The following CENPF variants were observed in gnomAD, a reference collection of about 807,000 sequenced individuals.
The protein encoded by CENPF is AH antigen.
CENPF carries 214 observed loss-of-function variants against 307.3 expected under a neutral mutation model. That is an observed-to-expected ratio of 0.70 (90% confidence interval 0.62 to 0.78). The LOEUF is 0.78. Ranked by LOEUF, CENPF falls within the 30% of genes least tolerant of loss-of-function variation. CENPF has a pLI of 0.00. For missense variants in CENPF, 3,401 were observed against 3,483.9 expected (o/e 0.98, Z 0.60); for synonymous variants, 1,259 against 1,270.6 (o/e 0.99, Z 0.19).
intron 3 of CENPF, among the ~76,000 whole-genome samples, chr1:214,616,889 CTTTCTTTCTTTCTTTCTTTCTTTCTT>C (rs1558170947): frequency 3.0e-5 from 3 of 100,000 alleles, no homozygotes; most frequent in Non-Finnish European, 4.2e-5. Context: ...TTCTTTCTTT[CTTTCTTTCTTTCTTTCTTTCTTTCTT>C]TCTTTCTTCT....
chr1:214,611,717 A>G (rs1027582076), intron 1 of CENPF, among the ~76,000 whole-genome samples: 2 of 152,166 alleles, frequency 1.3e-5, no homozygotes, highest in Non-Finnish European at 2.9e-5. Context: ...CTGTATTTCT[A>G]GGTGATTTAT....
In CENPF at chr1:214,645,686, G is replaced by A; in HGVS notation, c.6116G>A (p.Ser2039Asn). 6.2e-7 allele frequency: 1 copy of A among 1,614,168 alleles called. No individual in the cohort carries two copies. The highest frequency in any genetic ancestry group is 8.5e-7 in the Non-Finnish European group (1 of 1,180,022). ...DKTHLQEKLQ[S>N]LEKDSQALSL... ...ACTCATCTCCAGGAAAAGCTGCAGA[G>A]TTTGGAAAAGGACTCACAGGCACTG... Residue 2039 changes from serine (S) to asparagine (N), a missense_variant, in exon 13 of 20, where the codon AGT becomes AAT. Physicochemically the swap from Ser to Asn is conservative, Grantham distance 46. Coordinates refer to ENST00000366955, the MANE Select transcript of CENPF (RefSeq NM_016343.4).
intron 3 of CENPF, among the ~76,000 whole-genome samples, chr1:214,617,473 G>T (rs1431693772): frequency 6.6e-6 from 1 of 152,210 alleles, no homozygotes; most frequent in Non-Finnish European, 1.5e-5. Flanking sequence ...ACATAAGAGA[G>T]TTGGAAGAAT....
At chr1:214,612,491 T>G (rs1478512643) in intron 1 of CENPF, among the ~76,000 whole-genome samples, 2 of 152,112 alleles carry the variant, frequency 1.3e-5, no homozygotes, top group Non-Finnish European at 2.9e-5. Flanking sequence ...ATAGAATGAG[T>G]TGAGGAGGCG....
intron 11 of CENPF, 69 bp from the exon 12 acceptor site, chr1:214,639,852 A>AG (rs1387210128): frequency 2.7e-5 from 22 of 807,032 alleles, no homozygotes; most frequent in Non-Finnish European, 3.3e-5. Context: ...GGGCGGGGGG[A>AG]GGGGTTAGCG....
intron 1 of CENPF, among the ~76,000 whole-genome samples, chr1:214,610,935 G>A (rs1657180896): frequency 6.6e-6 from 1 of 152,106 alleles, no homozygotes; most frequent in South Asian, 2.1e-4. Context: ...TATTGAATAG[G>A]GAATCCTTTC....
Position 214,639,916 on chromosome 1 carries a change from A to G in CENPF, c.1583-5A>G. 6.8e-7 allele frequency: 1 copy of G among 1,474,018 alleles called. No individual in the cohort carries two copies. 91.3% of individuals were successfully genotyped at this position (1,474,018 alleles called of 1,614,324 possible). ...CATTGACGACTTTTATTTATTTTTA[A>G]ATAGCGAAGAATACCTCTCAGGAAA... On this transcript the variant is annotated splice_region_variant and splice_polypyrimidine_tract_variant and intron_variant, in intron 11 of 19. Coordinates refer to ENST00000366955, the MANE Select transcript of CENPF (RefSeq NM_016343.4).
chr1:214,630,009 C>G (rs1398950194), intron 8 of CENPF, among the ~76,000 whole-genome samples: 1 of 152,056 alleles, frequency 6.6e-6, no homozygotes, highest in Non-Finnish European at 1.5e-5. Flanking sequence ...GAAAAAGTAC[C>G]ATACGGATTA....
At chr1:214,616,785 T>G (rs1477336590) in intron 3 of CENPF, among the ~76,000 whole-genome samples, 1 of 151,974 alleles carries the variant, frequency 6.6e-6, no homozygotes, top group Admixed American at 6.6e-5. Flanking sequence ...CTAAGGGCTT[T>G]CTTTCTTTCT....
intron 7 of CENPF, among the ~76,000 whole-genome samples, chr1:214,625,114 A>G (rs1432875967): frequency 2.6e-5 from 4 of 151,942 alleles, no homozygotes; most frequent in Non-Finnish European, 4.4e-5. Flanking sequence ...TGTTAGCATG[A>G]TGTATTTCTT....
At chr1:214,638,660 T>C (rs1215901596) in intron 11 of CENPF, among the ~76,000 whole-genome samples, 1 of 152,196 alleles carries the variant, frequency 6.6e-6, no homozygotes, top group Admixed American at 6.5e-5. Context: ...GTGACTATTT[T>C]TTTAAAACCC....
chr1:214,653,066 A>G, intron 16 of CENPF, 77 bp downstream of exon 16: 1 of 1,334,728 alleles, frequency 7.5e-7, no homozygotes. Flanking sequence ...ATAGCATTAA[A>G]CGTTTTCATT....
chr1:214,632,116 G>A (rs1223699868), intron 9 of CENPF, among the ~76,000 whole-genome samples: 3 of 152,060 alleles, frequency 2.0e-5, no homozygotes, highest in East Asian at 3.9e-4. Flanking sequence ...CAGATATACT[G>A]TCTTTTATTC....
Position 214,641,116 on chromosome 1 carries a change from G to A in CENPF, c.2778G>A (p.Glu926=). The A allele has an allele frequency of 8.9e-6, 14 of 1,580,408 alleles. No individual in the cohort carries two copies. The highest frequency in any genetic ancestry group is 1.1e-5 in the Non-Finnish European group (13 of 1,171,554). Residue 926 remains glutamate (E), a synonymous_variant, in exon 12 of 20, where the codon GAG becomes GAA. Transcript: ENST00000366955. ...LNDKVETEQA[E]IQELKKSNHL... is the part of the protein sequence containing the mutation. ...ATAAGGTAGAAACTGAGCAGGCAGA[G>A]ATTCAAGAATTAAAAAAGAGCAACC...
At chr1:214,626,944 C>T (rs1657671004) in intron 7 of CENPF, among the ~76,000 whole-genome samples, 1 of 152,220 alleles carries the variant, frequency 6.6e-6, no homozygotes, top group South Asian at 2.1e-4. Flanking sequence ...GTGACAAGTT[C>T]ACCAAATCCT....
intron 1 of CENPF, chr1:214,606,164 G>T: frequency 3.0e-6 from 4 of 1,332,020 alleles, no homozygotes; most frequent in Non-Finnish European, 3.0e-6. Context: ...CCCAGCTCCG[G>T]ATGCGACCCT....
intron 3 of CENPF, among the ~76,000 whole-genome samples, chr1:214,615,997 A>G (rs75127915): frequency 0.019 from 2,862 of 152,214 alleles, 91 homozygotes; most frequent in African/African-American, 0.064. Context: ...CTAACTTCCA[A>G]ATGCATTGCA....
At chr1:214,608,549 G>A (rs575930621) in intron 1 of CENPF, 8 of 1,611,222 alleles carry the variant, frequency 5.0e-6, no homozygotes, top group African/African-American at 4.0e-5. Flanking sequence ...CAGGAGACGC[G>A]GTTGCGGCGG....
In CENPF at chr1:214,642,248, G is replaced by C. The variant is rs375214598; in HGVS notation, c.3910G>C (p.Glu1304Gln). 4.3e-6 allele frequency: 7 copies of C among 1,613,876 alleles called. No individual in the cohort carries two copies. The highest frequency in any genetic ancestry group is 5.9e-6 in the Non-Finnish European group (7 of 1,179,984). ...QTTMNKLNEL[E>Q]KICEILQAEK... is the part of the protein sequence containing the mutation. ...AACAATGAACAAGCTGAATGAGCTA[G>C]AGAAAATATGTGAAATACTGCAGGC... The change falls in exon 12 of 20, where the codon GAG becomes CAG. Residue 1304 changes from glutamate to glutamine, a missense_variant. Physicochemically the swap from Glu to Gln is conservative, Grantham distance 29. Transcript: ENST00000366955.
Sources: allele counts gnomAD v4.1 joint callset (sites outside exome capture counted in the v4.1 genomes callset), GRCh38; gene constraint gnomAD v4.1.1; transcripts MANE v1.5; gene names NCBI Gene and HGNC (gene_info 2026-07-23, HGNC 2026-07-21).